The following KRABD2 variants were observed in gnomAD, a reference collection of about 807,000 sequenced individuals.
KRABD2 encodes the protein KRAB domain-containing protein 2.
the KRABD2 span, among the ~76,000 whole-genome samples, chr17:8,374,348 CAT>C: frequency 6.6e-6 from 1 of 152,184 alleles, no homozygotes; most frequent in South Asian, 2.1e-4. Flanking sequence ...CTCTCTGAAA[CAT>C]GTGCTGTGTC....
the KRABD2 span, among the ~76,000 whole-genome samples, chr17:8,372,904 T>TA: frequency 6.7e-6 from 1 of 149,704 alleles, no homozygotes; most frequent in Non-Finnish European, 1.5e-5. This position sits in a 1 kb window ranked among gnomAD's most constrained non-coding sequence, Gnocchi z 4.1. Context: ...TCTCTAAAAA[T>TA]AAAAAAAAGA....
At chr17:8,369,778 T>C in the KRABD2 span, 2 of 1,614,128 alleles carry the variant, frequency 1.2e-6, no homozygotes, top group Admixed American at 1.7e-5. Flanking sequence ...AAAATGAACT[T>C]GAACTCACCA....
the KRABD2 span, chr17:8,371,211 TGG>T: frequency 9.0e-7 from 1 of 1,115,600 alleles, no homozygotes; most frequent in Non-Finnish European, 1.3e-6. Context: ...GTCCTTATCT[TGG>T]GGAATCGAGA....
At chr17:8,362,314 AG>A in the KRABD2 span, among the ~76,000 whole-genome samples, 2 of 151,500 alleles carry the variant, frequency 1.3e-5, no homozygotes, top group African/African-American at 4.9e-5. This position sits in a 1 kb window ranked among gnomAD's most constrained non-coding sequence, Gnocchi z 4.2. Flanking sequence ...TGGGCGACAG[AG>A]GAAGATTCCA....
chr17:8,366,308 G>A, the KRABD2 span, among the ~76,000 whole-genome samples: 3 of 152,086 alleles, frequency 2.0e-5, no homozygotes, highest in South Asian at 4.1e-4. Flanking sequence ...CTGTGGCTGG[G>A]TCAGTCATCC....
At chr17:8,364,296 T>C in the KRABD2 span, among the ~76,000 whole-genome samples, 3 of 152,218 alleles carry the variant, frequency 2.0e-5, no homozygotes, top group African/African-American at 7.2e-5. This position sits in a 1 kb window ranked among gnomAD's most constrained non-coding sequence, Gnocchi z 4.4. Flanking sequence ...CTGATTGAAA[T>C]GCCACTTCTA....
chr17:8,371,626 G>C, the KRABD2 span: 3 of 1,436,572 alleles, frequency 2.1e-6, no homozygotes, highest in Non-Finnish European at 2.7e-6. Context: ...ACAGCTTCAT[G>C]GATGAGGGAA....
At chr17:8,369,658 G>A in the KRABD2 span, 1 of 1,614,210 alleles carries the variant, frequency 6.2e-7, no homozygotes, top group Non-Finnish European at 8.5e-7. Context: ...AACACACTGG[G>A]TGTACCAAGA....
chr17:8,375,165 C>A, the KRABD2 span, among the ~76,000 whole-genome samples: 1 of 151,812 alleles, frequency 6.6e-6, no homozygotes, highest in Non-Finnish European at 1.5e-5. Context: ...GCACCTGCCA[C>A]CAGGCCCAGC....
the KRABD2 span, chr17:8,370,238 G>C: frequency 1.2e-6 from 2 of 1,613,444 alleles, no homozygotes; most frequent in East Asian, 2.2e-5. Context: ...CCTTGCTGTT[G>C]TAACTTTTGC....
At chr17:8,370,358 A>T in the KRABD2 span, 2 of 1,592,466 alleles carry the variant, frequency 1.3e-6, no homozygotes, top group Non-Finnish European at 1.7e-6. Context: ...CAGCTCTCTG[A>T]GGCATCATGG....
the KRABD2 span, among the ~76,000 whole-genome samples, chr17:8,365,983 C>T: frequency 6.6e-6 from 1 of 151,836 alleles, no homozygotes; most frequent in Non-Finnish European, 1.5e-5. Context: ...AAAAATTAGC[C>T]GGGCGTGGTT....
At chr17:8,363,150 ACCCATGGTG>A in the KRABD2 span, among the ~76,000 whole-genome samples, 2 of 152,132 alleles carry the variant, frequency 1.3e-5, no homozygotes, top group Non-Finnish European at 2.9e-5. Flanking sequence ...GGGTTGGGTG[ACCCATGGTG>A]CCATTAATAG....
the KRABD2 span, chr17:8,369,935 T>C: frequency 6.2e-7 from 1 of 1,614,188 alleles, no homozygotes; most frequent in Non-Finnish European, 8.5e-7. Context: ...AGACAATAAC[T>C]TCTTTGGTGA....
chr17:8,376,016 C>T, the KRABD2 span: 3 of 1,231,624 alleles, frequency 2.4e-6, no homozygotes, highest in Non-Finnish European at 3.0e-6. Context: ...TAGCTGATTG[C>T]CATCTCTCCT....
the KRABD2 span, chr17:8,375,927 G>T: frequency 8.1e-7 from 1 of 1,229,552 alleles, no homozygotes. Flanking sequence ...GGCTGTTTCC[G>T]ACTCGGAATG....
At chr17:8,364,416 G>T in the KRABD2 span, among the ~76,000 whole-genome samples, 1 of 152,048 alleles carries the variant, frequency 6.6e-6, no homozygotes, top group Non-Finnish European at 1.5e-5. This position sits in a 1 kb window ranked among gnomAD's most constrained non-coding sequence, Gnocchi z 4.4. Flanking sequence ...GTGGTGATAC[G>T]ATCATGGCTC....
the KRABD2 span, chr17:8,371,237 GA>G: frequency 1.6e-6 from 2 of 1,275,726 alleles, no homozygotes; most frequent in Non-Finnish European, 2.2e-6. Flanking sequence ...AAGCTGTGGG[GA>G]TATTTTTAAA....
the KRABD2 span, chr17:8,376,376 C>T: frequency 2.5e-6 from 3 of 1,185,748 alleles, no homozygotes; most frequent in Non-Finnish European, 1.0e-6. Flanking sequence ...CCATCACAAT[C>T]GATTGCTATG....
Sources: allele counts gnomAD v4.1 joint callset (sites outside exome capture counted in the v4.1 genomes callset), GRCh38; gene constraint gnomAD v4.1.1; non-coding constraint Gnocchi (gnomAD v3.1); transcripts MANE v1.5; gene names NCBI Gene and HGNC (gene_info 2026-07-23, HGNC 2026-07-21).